The following TGM2 variants were observed in gnomAD, a reference collection of about 807,000 sequenced individuals.
The protein encoded by TGM2 is transglutaminase 2.
Under a neutral mutation model 75.6 loss-of-function variants are expected in TGM2, and 53 were observed. The ratio of observed to expected loss-of-function variants is 0.70; its 90% CI spans 0.56 to 0.88. The LOEUF is 0.88. TGM2 is among the 40% of genes least tolerant of loss of function. TGM2 has a pLI of 0.00. For synonymous variants in TGM2, 374 were observed against 381.1 expected, an observed-to-expected ratio of 0.98 and a Z score of 0.22; for missense variants, 842 against 928.5, an observed-to-expected ratio of 0.91 and a Z score of 1.21.
rs779816861 is a variant in TGM2 at position 38,142,100 on chromosome 20, A to G, written c.959T>C (p.Phe320Ser). ...GCTCTTGTCACCCTGGATCTCCCCA[A>G]ACTCATTGCGGAAGTACTCGATGAG... ...NLLIEYFRNEFGEIQGDKSEM... is the reference protein window; with the variant it reads ...NLLIEYFRNESGEIQGDKSEM... Residue 320 changes from phenylalanine (F) to serine (S), a missense_variant, in exon 7 of 13, where the codon TTT becomes TCT. Transcript: ENST00000361475. 6 of 1,614,024 alleles carry G rather than the reference A, an allele frequency of 3.7e-6. No individual in the cohort carries two copies. In the East Asian group the frequency reaches 6.7e-5, roughly 18 times the overall value.
intron 1 of TGM2, among the ~76,000 whole-genome samples, chr20:38,164,157 G>A (rs1285056058): frequency 2.6e-5 from 4 of 151,968 alleles, no homozygotes; most frequent in East Asian, 3.9e-4. Context: ...AGCGGCCACC[G>A]AGGCGACACA....
chr20:38,151,942 A>G (rs969112080), intron 3 of TGM2, among the ~76,000 whole-genome samples: 1 of 152,172 alleles, frequency 6.6e-6, no homozygotes, highest in Non-Finnish European at 1.5e-5. Context: ...TACTGACTCC[A>G]CTTAACCGGT....
chr20:38,152,755 C>T (rs2075128704), intron 3 of TGM2, among the ~76,000 whole-genome samples: 1 of 152,278 alleles, frequency 6.6e-6, no homozygotes, highest in Non-Finnish European at 1.5e-5. Flanking sequence ...CCCAGCCCAA[C>T]TTCCTGCCTC....
Position 38,139,352 on chromosome 20 carries a change from G to A in TGM2, c.1342+60C>T, listed in dbSNP as rs371988664. The A allele has an allele frequency of 3.1e-4, 500 of 1,612,682 alleles. 2 individuals carry two copies. The South Asian group carries it at 4.9e-3, about 16-fold the overall frequency. ...ACGCACACACATACACGAGCCTGCC[G>A]GGCTGGGAAAACTGGATGCTTATCT... On this transcript the variant is annotated intron_variant, in intron 9 of 12. Coordinates refer to ENST00000361475, the MANE Select transcript of TGM2 (RefSeq NM_004613.4).
chr20:38,130,972 C>T, intron 12 of TGM2, 121 bp downstream of exon 12: 5 of 1,496,202 alleles, frequency 3.3e-6, no homozygotes, highest in East Asian at 4.5e-5. Flanking sequence ...GTGGGCACAG[C>T]TGTGTGGGAG....
Position 38,141,333 on chromosome 20 carries a change from C to A in TGM2, c.1048G>T (p.Gly350Trp). 1 of 1,592,458 alleles carries A rather than the reference C, an allele frequency of 6.3e-7. No homozygotes were observed. Among genetic ancestry groups the A allele is most frequent in the East Asian group, 2.3e-5 (1 of 43,950 alleles). The change falls in exon 8 of 13, where the codon GGG (glycine) becomes TGG (tryptophan). Residue 350 changes from glycine to tryptophan, a missense_variant. Physicochemically the swap from Gly to Trp is radical, Grantham distance 184. Transcript: ENST00000361475. ...TCCAGGGCCTGCCAGCCCTCGTACC[C>A]CGGCTGCAGGTCCGGCCTGGTCATC... ...SWMTRPDLQP[G>W]YEGWQALDPT...
rs1455910650 is a variant in TGM2 at position 38,131,096 on chromosome 20, T to TCCAC, written c.1906_1909dup (p.Glu637GlyfsTer14). 6.2e-7 allele frequency: 1 copy of TCCAC among 1,611,952 alleles called. No individual in the cohort carries two copies. The highest frequency in any genetic ancestry group is 8.5e-7 in the Non-Finnish European group (1 of 1,179,918). ...AGCTAGAGCAGCCAGCACTTACATC[T>TCCAC]CCACCGTCTTCTGCTCCTCAGTCAG... On this transcript the variant is annotated frameshift_variant, in exon 12 of 13. Coordinates refer to ENST00000361475, the MANE Select transcript of TGM2 (RefSeq NM_004613.4). LOFTEE classifies it high-confidence loss of function.
At chr20:38,137,093 C>G (rs1248640741) in intron 10 of TGM2, among the ~76,000 whole-genome samples, 1 of 152,208 alleles carries the variant, frequency 6.6e-6, no homozygotes, top group Admixed American at 6.5e-5. Flanking sequence ...CTTCTCCCTG[C>G]AGAGGCCTGG....
At position 38,132,905 on chromosome 20, in the gene TGM2, C is replaced by T. The variant is rs548666925; in HGVS notation, c.1616-405G>A. ...CGCTCGGGACTCAGGGTGTGTGAGCCGCGGGCCCTTCATCCTGGGGAGGAT... is the reference window on the plus strand; with the variant it reads ...CGCTCGGGACTCAGGGTGTGTGAGCTGCGGGCCCTTCATCCTGGGGAGGAT... On this transcript the variant is annotated intron_variant, in intron 10 of 12. Transcript: ENST00000361475. 10 of 455,294 alleles carry T rather than the reference C, an allele frequency of 2.2e-5. No individual in the cohort carries two copies. In the East Asian group the frequency reaches 3.5e-4, roughly 16 times the overall value. 28.2% of individuals were successfully genotyped at this position (455,294 alleles called of 1,614,324 possible). A position where few individuals can be genotyped will look rare whatever the true frequency, so the allele number is the denominator to read the frequency against.
upstream of TGM2, among the ~76,000 whole-genome samples, chr20:38,168,112 G>A (rs564897507): frequency 8.5e-4 from 130 of 152,264 alleles, no homozygotes; most frequent in African/African-American, 2.8e-3. Flanking sequence ...GGCCTGTCCC[G>A]CACCCAGCCA....
chr20:38,128,100 T>C lies in TGM2; in HGVS notation c.*2119A>G, dbSNP rs1275327244. On this transcript the variant is annotated 3_prime_UTR_variant, in exon 13 of 13. Coordinates refer to ENST00000361475, the MANE Select transcript of TGM2 (RefSeq NM_004613.4). ...ACCCGAAAAGATATCAAGGAAGGTT[T>C]CACAGAAGAGGTGACTTTGGTGTTA... 6.6e-6 allele frequency: 1 copy of C among 152,236 alleles called. No individual in the cohort carries two copies. Among genetic ancestry groups the C allele is most frequent in the Non-Finnish European group, 1.5e-5 (1 of 68,048 alleles). 9.4% of individuals were successfully genotyped at this position (152,236 alleles called of 1,614,324 possible).
At chr20:38,146,445 T>C (rs1409289070) in intron 6 of TGM2, 2 of 541,540 alleles carry the variant, frequency 3.7e-6, no homozygotes, top group Admixed American at 6.6e-5. Context: ...TTAAAAATCC[T>C]GAGTTTTTGA....
At chr20:38,139,376 C>T in intron 9 of TGM2, 36 bp downstream of exon 9, 1 of 1,613,806 alleles carries the variant, frequency 6.2e-7, no homozygotes, top group Non-Finnish European at 8.5e-7. Context: ...GGATGCTTAT[C>T]TTCAAGGCTG....
chr20:38,137,033 G>T (rs528011447), intron 10 of TGM2, among the ~76,000 whole-genome samples: 31 of 152,292 alleles, frequency 2.0e-4, no homozygotes, highest in Non-Finnish European at 3.7e-4. Flanking sequence ...AGGCAACTAG[G>T]CTGGTGCTGG....
At chr20:38,158,326 A>C (rs1168660124) in intron 2 of TGM2, among the ~76,000 whole-genome samples, 1 of 152,158 alleles carries the variant, frequency 6.6e-6, no homozygotes, top group Non-Finnish European at 1.5e-5. Context: ...TGCTCACGTA[A>C]GCTGACTTCA....
In TGM2 at chr20:38,155,937, A is replaced by G. The variant is rs1203611748; in HGVS notation, c.343T>C (p.Tyr115His). The G allele has an allele frequency of 6.2e-7, 1 of 1,612,082 alleles. No individual in the cohort carries two copies. Among genetic ancestry groups the G allele is most frequent in the Non-Finnish European group, 8.5e-7 (1 of 1,179,370 alleles). ...GTGGAGGCCTCCAGGCTGAGGCGAT[A>G]CAGGCCGATGGGGGCGTTGGCCGGG... ...TTPANAPIGL[Y>H]RLSLEASTGY... Residue 115 changes from tyrosine to histidine, a missense_variant, in exon 3 of 13, where the codon TAT (tyrosine) becomes CAT (histidine). Coordinates refer to ENST00000361475, the MANE Select transcript of TGM2 (RefSeq NM_004613.4).
At chr20:38,161,288 G>A (rs1270724479) in intron 2 of TGM2, 132 bp downstream of exon 2, 8 of 1,243,698 alleles carry the variant, frequency 6.4e-6, no homozygotes, top group Admixed American at 4.0e-5. Context: ...CTGATGACAG[G>A]TGGCAATCTC....
Position 38,138,130 on chromosome 20 carries a change from T to C in TGM2, c.1598A>G (p.Asn533Ser), listed in dbSNP as rs1260152213. 3 of 1,595,734 alleles carry C rather than the reference T, an allele frequency of 1.9e-6. No homozygotes were observed. In the South Asian group the frequency reaches 3.4e-5, roughly 18 times the overall value. ...GGCTTTACCAGAGAAAGGCTCCAGGTTGAGGTTGAGCAGGTACTTGGTGCC... is the reference window on the plus strand; with the variant it reads ...GGCTTTACCAGAGAAAGGCTCCAGGCTGAGGTTGAGCAGGTACTTGGTGCC... ...ECGTKYLLNL[N>S]LEPFSEKSVP... Residue 533 changes from asparagine (N) to serine (S), a missense_variant, in exon 10 of 13, where the codon AAC becomes AGC. Asn to Ser is a conservative substitution (Grantham distance 46). Transcript: ENST00000361475.
chr20:38,167,693 C>T (rs1193176692), upstream of TGM2, among the ~76,000 whole-genome samples: 1 of 152,190 alleles, frequency 6.6e-6, no homozygotes, highest in Non-Finnish European at 1.5e-5. Context: ...GTGCCTGGCT[C>T]ACCACCAGCC....
Sources: gnomAD v4.1 joint callset for allele counts (sites outside exome capture counted in the v4.1 genomes callset) on GRCh38, gnomAD v4.1.1 for gene constraint, MANE v1.5 for transcripts, NCBI Gene and HGNC (gene_info 2026-07-23, HGNC 2026-07-21) for gene names.